Variants in RELN observed in about 807,000 individuals in gnomAD.
RELN encodes the protein reelin.
In RELN, 108 loss-of-function variants were observed where a neutral mutation model predicts 427.6. That is an observed-to-expected ratio of 0.25 (90% CI 0.22 to 0.30). The LOEUF is 0.30. Ranked by LOEUF, RELN falls within the 10% of genes least tolerant of loss-of-function variation. RELN has a pLI of 1.00. For synonymous variants in RELN, 1,524 were observed against 1,513.4 expected, an observed-to-expected ratio of 1.01 and a Z score of -0.16; for missense variants, 3,715 against 4,302.8, an observed-to-expected ratio of 0.86 and a Z score of 3.82.
intron 4 of RELN, among the ~76,000 whole-genome samples, chr7:103,760,725 T>C (rs10487171): frequency 0.18 from 26,676 of 152,128 alleles, 2,526 homozygotes; most frequent in East Asian, 0.31. Context: ...CTATATCTCC[T>C]GAATCATTTT....
chr7:103,500,500 A>AGTATTTATCATTTGTAATCCATATAG (rs1439131955), intron 53 of RELN, among the ~76,000 whole-genome samples: 2 of 152,194 alleles, frequency 1.3e-5, no homozygotes, highest in Non-Finnish European at 1.5e-5. Context: ...AGAAACCCAG[A>AGTATTTATCATTTGTAATCCATATAG]GTATTTATCA....
chr7:103,679,203 C>A (rs895406751), intron 11 of RELN, among the ~76,000 whole-genome samples: 5 of 152,182 alleles, frequency 3.3e-5, no homozygotes, highest in African/African-American at 1.2e-4. Context: ...ATTAAACTAT[C>A]ATTTTTATCA....
intron 60 of RELN, 28 bp downstream of exon 60, chr7:103,489,714 A>T (rs755528775): frequency 6.2e-7 from 1 of 1,612,732 alleles, no homozygotes; most frequent in Non-Finnish European, 8.5e-7. Flanking sequence ...GGTCTCCTCT[A>T]TCAAAGTTGG....
chr7:103,972,468 T>C (rs1796783388), intron 1 of RELN, among the ~76,000 whole-genome samples: 1 of 152,264 alleles, frequency 6.6e-6, no homozygotes, highest in Non-Finnish European at 1.5e-5. Context: ...CAAGAAATTC[T>C]ACAATATTTC....
intron 49 of RELN, among the ~76,000 whole-genome samples, chr7:103,516,388 C>T (rs1228489260): frequency 6.6e-6 from 1 of 151,656 alleles, no homozygotes; most frequent in Non-Finnish European, 1.5e-5. Context: ...TGGGTGCAAG[C>T]AATTCTCCTG....
intron 3 of RELN, among the ~76,000 whole-genome samples, chr7:103,779,853 G>A (rs1791841464): frequency 6.6e-6 from 1 of 152,096 alleles, no homozygotes; most frequent in Admixed American, 6.5e-5. Flanking sequence ...TCAGCCTCCT[G>A]AGTAGCTGGG....
intron 11 of RELN, among the ~76,000 whole-genome samples, chr7:103,669,614 TTATAA>T (rs1256359809): frequency 2.0e-5 from 3 of 152,034 alleles, no homozygotes; most frequent in African/African-American, 7.2e-5. Context: ...TGAAGTAAAA[TTATAA>T]TATAACCAAA....
At chr7:103,682,858 A>G (rs960148385) in intron 10 of RELN, among the ~76,000 whole-genome samples, 1 of 152,236 alleles carries the variant, frequency 6.6e-6, no homozygotes, top group African/African-American at 2.4e-5. Context: ...CTGGGAAACT[A>G]TGAACTTTGT....
At chr7:103,927,635 T>C (rs1041337314) in intron 1 of RELN, among the ~76,000 whole-genome samples, 1 of 152,204 alleles carries the variant, frequency 6.6e-6, no homozygotes, top group Non-Finnish European at 1.5e-5. Flanking sequence ...ATATTTCTCC[T>C]ATGGGTAAAA....
chr7:103,499,162 A>C (rs1439391044), intron 53 of RELN, among the ~76,000 whole-genome samples: 1 of 152,232 alleles, frequency 6.6e-6, no homozygotes, highest in African/African-American at 2.4e-5. Context: ...GCAGTTTGAA[A>C]GATGTTTCAC....
chr7:103,887,017 T>C (rs888431225), intron 2 of RELN, among the ~76,000 whole-genome samples: 1 of 152,218 alleles, frequency 6.6e-6, no homozygotes, highest in African/African-American at 2.4e-5. Flanking sequence ...CAGATGTATA[T>C]ATCCAGATTA....
chr7:103,908,071 C>A (rs1584355455), intron 2 of RELN, among the ~76,000 whole-genome samples: 1 of 152,082 alleles, frequency 6.6e-6, no homozygotes, highest in Admixed American at 6.6e-5. Context: ...CTGGTTTTAT[C>A]CTCACACTTA....
At chr7:103,813,125 T>C (rs1203834377) in intron 3 of RELN, among the ~76,000 whole-genome samples, 1 of 152,194 alleles carries the variant, frequency 6.6e-6, no homozygotes, top group Non-Finnish European at 1.5e-5. Flanking sequence ...ATGTAGATAC[T>C]ACGTTTGTTT....
intron 1 of RELN, among the ~76,000 whole-genome samples, chr7:103,943,299 A>G (rs1470728186): frequency 6.6e-6 from 1 of 152,180 alleles, no homozygotes; most frequent in Non-Finnish European, 1.5e-5. Context: ...AAATTGTGAC[A>G]GCTGCCCTGA....
At chr7:103,581,323 T>A (rs1018070787) in intron 28 of RELN, among the ~76,000 whole-genome samples, 1 of 152,172 alleles carries the variant, frequency 6.6e-6, no homozygotes, top group Non-Finnish European at 1.5e-5. Context: ...ATTATTATTT[T>A]TGAGTGGGAG....
chr7:103,670,419 G>A lies in RELN; in HGVS notation c.1290-8892C>T, dbSNP rs1476967093. 3.3e-5 allele frequency among the ~76,000 whole-genome samples: 5 copies of A among 152,134 alleles called. 1 individual carries two copies. In the South Asian group the frequency reaches 8.3e-4, roughly 25 times the overall value. The stretch of plus-strand genomic sequence containing the variant: ...AACATGGGGTTCAGTTAGATTAACT[G>A]GCCTTTGTGAAATAATGAAGGTCTA... On this transcript the variant is annotated intron_variant, in intron 11 of 64. Coordinates refer to ENST00000428762, the MANE Select transcript of RELN (RefSeq NM_005045.4).
chr7:103,610,632 G>A (rs1831928654), intron 22 of RELN, 63 bp downstream of exon 22: 2 of 844,274 alleles, frequency 2.4e-6, no homozygotes, highest in Non-Finnish European at 4.2e-6. Flanking sequence ...AATAGAGACA[G>A]AATTGAATCA....
At chr7:103,624,228 T>C (rs1270898462) in intron 20 of RELN, among the ~76,000 whole-genome samples, 2 of 152,154 alleles carry the variant, frequency 1.3e-5, no homozygotes, top group African/African-American at 4.8e-5. Context: ...TTTTAAAATG[T>C]CCTGAACATG....
intron 6 of RELN, among the ~76,000 whole-genome samples, chr7:103,742,436 C>G (rs531635435): frequency 4.9e-4 from 75 of 152,224 alleles, no homozygotes; most frequent in South Asian, 6.2e-4. Context: ...GACAAGTTGA[C>G]AGAAGAAGGC....
Sources: gnomAD v4.1 joint callset for allele counts (sites outside exome capture counted in the v4.1 genomes callset) on GRCh38, gnomAD v4.1.1 for gene constraint, MANE v1.5 for transcripts, NCBI Gene and HGNC (gene_info 2026-07-23, HGNC 2026-07-21) for gene names.